CTSS: variants seen among roughly 807,000 people sequenced by gnomAD.
The protein encoded by CTSS is cathepsin S.
CTSS carries 15 observed loss-of-function variants against 39.9 expected under a neutral mutation model. The ratio of observed to expected loss-of-function variants is 0.38; its 90% CI spans 0.25 to 0.58. CTSS has a LOEUF of 0.58. Among genes scored for constraint, CTSS ranks in the 20% least tolerant of loss-of-function variants. CTSS has a pLI of 0.70. For synonymous variants in CTSS, 126 were observed against 138.2 expected (o/e 0.91, Z 0.62); for missense variants, 250 against 398.2 (o/e 0.63, Z 3.17).
At position 150,759,695 on chromosome 1, in the gene CTSS, T is replaced by C. The variant is rs76537600; in HGVS notation, c.127-1715A>G. Among the ~76,000 whole-genome samples, 784 of 152,332 alleles carry C rather than the reference T, an allele frequency of 5.1e-3. 66 individuals carry two copies. In the East Asian group the frequency reaches 0.15, roughly 28 times the overall value. On this transcript the variant is annotated intron_variant, in intron 2 of 7. Transcript: ENST00000368985. ...TTTACATGCTGACCGACGATTTTCTTGTCCTTCAGGAGATTCATTTACATA... is the reference window on the plus strand; with the variant it reads ...TTTACATGCTGACCGACGATTTTCTCGTCCTTCAGGAGATTCATTTACATA...
At chr1:150,753,800 A>G (rs1653055899) in intron 4 of CTSS, among the ~76,000 whole-genome samples, 1 of 151,780 alleles carries the variant, frequency 6.6e-6, no homozygotes, top group Admixed American at 6.6e-5. Context: ...AATACAAAGA[A>G]AAAAAAAGTG....
chr1:150,764,270 C>T (rs951791185), intron 2 of CTSS, among the ~76,000 whole-genome samples: 1 of 152,136 alleles, frequency 6.6e-6, no homozygotes, highest in African/African-American at 2.4e-5. Flanking sequence ...TGGAGTCTCA[C>T]TCTGTCACCC....
rs932594401 is a variant in CTSS, at chr1:150,731,410, A to C, written c.*1636T>G. On this transcript the variant is annotated 3_prime_UTR_variant, in exon 8 of 8. Coordinates refer to ENST00000368985, the MANE Select transcript of CTSS (RefSeq NM_004079.5). ...CTCAAAAAACAAAACAAAACTGAAA[A>C]GTAATCAACTAAATACTTTTAAACT... 1.3e-5 allele frequency: 2 copies of C among 152,244 alleles called. No homozygotes were observed. The highest frequency in any genetic ancestry group is 4.8e-5 in the African/African-American group (2 of 41,470). The allele number at this position is 152,244 out of a possible 1,614,324, so 9.4% of individuals were successfully genotyped here. A position where few individuals can be genotyped will look rare whatever the true frequency, so the allele number is the denominator to read the frequency against.
intron 2 of CTSS, among the ~76,000 whole-genome samples, chr1:150,763,271 T>TA (rs1161880911): frequency 2.0e-5 from 3 of 152,128 alleles, no homozygotes; most frequent in African/African-American, 7.2e-5. Context: ...AGAATGGTGG[T>TA]TAGCAGAGGC....
intron 2 of CTSS, among the ~76,000 whole-genome samples, chr1:150,762,663 T>C (rs1239170103): frequency 6.6e-6 from 1 of 151,980 alleles, no homozygotes; most frequent in Non-Finnish European, 1.5e-5. Flanking sequence ...CCAACAGATA[T>C]ATGAAAAAAT....
chr1:150,744,729 A>T (rs1323176856), intron 7 of CTSS, among the ~76,000 whole-genome samples: 4 of 144,780 alleles, frequency 2.8e-5, no homozygotes, highest in East Asian at 2.0e-4. Context: ...TATTATATAT[A>T]TTTTTTCATG....
At chr1:150,759,672 T>G (rs1013581743) in intron 2 of CTSS, among the ~76,000 whole-genome samples, 1 of 152,248 alleles carries the variant, frequency 6.6e-6, no homozygotes, top group East Asian at 1.9e-4. Flanking sequence ...AGAGTGAATT[T>G]ACATGCTGAC....
intron 4 of CTSS, among the ~76,000 whole-genome samples, chr1:150,754,083 G>A (rs114221421): frequency 0.014 from 2,141 of 150,382 alleles, 20 homozygotes; most frequent in Non-Finnish European, 0.024. Context: ...CTGAGTATTC[G>A]CATATAACCT....
Position 150,750,056 on chromosome 1 carries a change from A to G in CTSS, c.743T>C (p.Val248Ala), listed in dbSNP as rs1652978635. ...ATGACGCGCATCTACACCAACAGAC[A>G]CTGGGCCTTTATTGGCCACAGCTTC... ...LKEAVANKGPVSVGVDARHPS... is the reference protein window; with the variant it reads ...LKEAVANKGPASVGVDARHPS... Residue 248 changes from valine to alanine, a missense_variant, in exon 6 of 8, where the codon GTG becomes GCG. Transcript: ENST00000368985. 2.5e-6 allele frequency: 4 copies of G among 1,613,990 alleles called. No homozygotes were observed. The highest frequency in any genetic ancestry group is 3.4e-6 in the Non-Finnish European group (4 of 1,179,882).
At chr1:150,754,880 T>A (rs1386805388) in intron 4 of CTSS, 121 bp downstream of exon 4, 2 of 1,044,814 alleles carry the variant, frequency 1.9e-6, no homozygotes, top group African/African-American at 3.2e-5. Context: ...AAGACAAGAA[T>A]AACAAAAATA....
rs587638060 is a variant in CTSS at position 150,747,929 on chromosome 1, A to T, written c.794-50T>A. The T allele has an allele frequency of 1.1e-5, 13 of 1,202,676 alleles. No homozygotes were observed. The South Asian group carries it at 1.7e-4, about 15-fold the overall frequency. 74.5% of individuals were successfully genotyped at this position (1,202,676 alleles called of 1,614,324 possible). Reference sequence around the variant, plus strand: ...AAAAGAGTGAATACTATAGGATAATAAAGGGCATTTTAAAACGGTATTACT... The same window carrying T: ...AAAAGAGTGAATACTATAGGATAATTAAGGGCATTTTAAAACGGTATTACT... On this transcript the variant is annotated intron_variant, in intron 6 of 7. Coordinates refer to ENST00000368985, the MANE Select transcript of CTSS (RefSeq NM_004079.5).
intron 2 of CTSS, among the ~76,000 whole-genome samples, chr1:150,764,021 C>T (rs1398129064): frequency 6.6e-6 from 1 of 152,106 alleles, no homozygotes; most frequent in Non-Finnish European, 1.5e-5. Flanking sequence ...AGATAGACTT[C>T]TTACCACCAC....
chr1:150,754,763 G>A (rs906305934), intron 4 of CTSS, among the ~76,000 whole-genome samples: 3 of 151,900 alleles, frequency 2.0e-5, no homozygotes, highest in Non-Finnish European at 4.4e-5. Context: ...TTTGATCCAC[G>A]GTTGGTGGAA....
At chr1:150,753,677 C>T (rs900348526) in intron 4 of CTSS, among the ~76,000 whole-genome samples, 6 of 152,114 alleles carry the variant, frequency 3.9e-5, no homozygotes, top group Non-Finnish European at 5.9e-5. Flanking sequence ...GGGCTGAACA[C>T]GAGGGCTCAT....
intron 6 of CTSS, among the ~76,000 whole-genome samples, chr1:150,748,806 TG>T (rs1652946952): frequency 6.6e-6 from 1 of 152,232 alleles, no homozygotes; most frequent in South Asian, 2.1e-4. Context: ...GCAAGTCTAT[TG>T]GTACCATTTT....
At chr1:150,748,989 A>C (rs587680558) in intron 6 of CTSS, among the ~76,000 whole-genome samples, 2 of 152,334 alleles carry the variant, frequency 1.3e-5, no homozygotes, top group African/African-American at 4.8e-5. Flanking sequence ...ATAAGATAGC[A>C]GACTTAACCC....
intron 2 of CTSS, among the ~76,000 whole-genome samples, chr1:150,758,780 G>T (rs1653188175): frequency 6.6e-6 from 1 of 151,404 alleles, no homozygotes; most frequent in Non-Finnish European, 1.5e-5. Context: ...GAATTCCTGG[G>T]CTCAAGCAAT....
Position 150,757,999 on chromosome 1 carries a change from G to A in CTSS, c.127-19C>T. On this transcript the variant is annotated intron_variant, in intron 2 of 7. Coordinates refer to ENST00000368985, the MANE Select transcript of CTSS (RefSeq NM_004079.5). ...CTTCATTCTAAAACATAATGAAGAA[G>A]AACATAGTCATACTGCATCCTGGAC... The A allele has an allele frequency of 1.9e-6, 3 of 1,609,868 alleles. No homozygotes were observed. The highest frequency in any genetic ancestry group is 1.7e-6 in the Non-Finnish European group (2 of 1,178,114).
chr1:150,746,430 C>T (rs1652896024), intron 7 of CTSS, among the ~76,000 whole-genome samples: 1 of 152,154 alleles, frequency 6.6e-6, no homozygotes, highest in Non-Finnish European at 1.5e-5. Context: ...TTAGGTGCCA[C>T]CCACTTAGTC....
Sources: allele counts gnomAD v4.1 joint callset (sites outside exome capture counted in the v4.1 genomes callset), GRCh38; gene constraint gnomAD v4.1.1; transcripts MANE v1.5; gene names NCBI Gene and HGNC (gene_info 2026-07-23, HGNC 2026-07-21).